The following PIWIL4 variants were observed in gnomAD, a reference collection of about 807,000 sequenced individuals.
PIWIL4 encodes piwi like RNA-mediated gene silencing 4.
PIWIL4 carries 50 observed loss-of-function variants against 100.9 expected under a neutral mutation model. The observed-to-expected ratio is 0.50, with a 90% CI of 0.39 to 0.63. The LOEUF (loss-of-function observed/expected upper bound fraction) is 0.63. Ranked by LOEUF, PIWIL4 falls within the 20% of genes least tolerant of loss-of-function variation. PIWIL4 has a pLI of 0.00. For synonymous variants in PIWIL4, 342 were observed against 367.5 expected, an observed-to-expected ratio of 0.93 and a Z score of 0.79; for missense variants, 887 against 1,043.3, an observed-to-expected ratio of 0.85 and a Z score of 2.06.
Position 94,567,569 on chromosome 11 carries a change from T to G in PIWIL4, c.51T>G (p.Ser17Arg). 5 of 1,607,696 alleles carry G rather than the reference T, an allele frequency of 3.1e-6. No homozygotes were observed. The highest frequency in any genetic ancestry group is 4.2e-6 in the Non-Finnish European group (5 of 1,177,274). The change falls in exon 1 of 20, where the codon AGT becomes AGG. Residue 17 changes from serine to arginine, a missense_variant. Coordinates refer to ENST00000299001, the MANE Select transcript of PIWIL4 (RefSeq NM_152431.3). Reference protein sequence around the residue: ...VKARGIARSPSATEVGRIQAS... With the variant: ...VKARGIARSPRATEVGRIQAS... ...CCAGAGGCATCGCCCGCAGCCCCAG[T>G]GCCACAGAAGTGGGGCGCATCCAAG... is the stretch of plus-strand genomic sequence containing the variant.
chr11:94,584,784 G>T (rs1013523732), intron 5 of PIWIL4, among the ~76,000 whole-genome samples: 28 of 152,136 alleles, frequency 1.8e-4, no homozygotes, highest in Non-Finnish European at 3.7e-4. Context: ...TAAGATCCTC[G>T]GCTGGGCCGG....
At chr11:94,596,200 G>T (rs553854507) in intron 10 of PIWIL4, among the ~76,000 whole-genome samples, 1 of 149,470 alleles carries the variant, frequency 6.7e-6, no homozygotes, top group South Asian at 2.1e-4. Flanking sequence ...TTATAATTAT[G>T]TATGTAGCTT....
chr11:94,587,789 T>C (rs1948423093), intron 7 of PIWIL4, among the ~76,000 whole-genome samples: 1 of 151,988 alleles, frequency 6.6e-6, no homozygotes, highest in South Asian at 2.1e-4. Flanking sequence ...GATTCAGGAG[T>C]CTTTTAAGTT....
At chr11:94,577,690 T>C (rs1948257181) in intron 4 of PIWIL4, among the ~76,000 whole-genome samples, 198 bp downstream of exon 4, 1 of 152,170 alleles carries the variant, frequency 6.6e-6, no homozygotes, top group South Asian at 2.1e-4. Flanking sequence ...TATAAGCAAT[T>C]ATATCAGCCA....
intron 6 of PIWIL4, 87 bp downstream of exon 6, chr11:94,585,612 C>A: frequency 1.1e-6 from 1 of 935,186 alleles, no homozygotes; most frequent in East Asian, 2.7e-5. Flanking sequence ...CATTATGCCT[C>A]CTGTGAGAGA....
At chr11:94,581,278 A>G (rs1312707926) in intron 4 of PIWIL4, among the ~76,000 whole-genome samples, 1 of 152,116 alleles carries the variant, frequency 6.6e-6, no homozygotes, top group Non-Finnish European at 1.5e-5. Flanking sequence ...ATATTGCCCA[A>G]GGTTGTCAGA....
In PIWIL4 at chr11:94,601,884, A is replaced by G. The variant is rs376209717; in HGVS notation, c.1470A>G (p.Leu490=). 1 of 1,614,134 alleles carries G rather than the reference A, an allele frequency of 6.2e-7. No homozygotes were observed. Among genetic ancestry groups the G allele is most frequent in the Non-Finnish European group, 8.5e-7 (1 of 1,179,996 alleles). The change falls in exon 12 of 20, where the codon TTA becomes TTG. Residue 490 remains leucine, a synonymous_variant. Coordinates refer to ENST00000299001, the MANE Select transcript of PIWIL4 (RefSeq NM_152431.3). ...NAQSLNTWLI[L]CSDRTEYVAE... ...AGTCTTTGAATACCTGGTTGATTTT[A>G]TGTAGCGACAGAACTGAATATGTTG...
chr11:94,617,368 G>C (rs139264626), intron 16 of PIWIL4, among the ~76,000 whole-genome samples: 3 of 151,554 alleles, frequency 2.0e-5, no homozygotes, highest in South Asian at 2.1e-4. Context: ...TTTTTTAGCA[G>C]TTATTAAAGG....
intron 5 of PIWIL4, among the ~76,000 whole-genome samples, chr11:94,584,846 C>T (rs909073700): frequency 1.3e-5 from 2 of 152,150 alleles, no homozygotes; most frequent in African/African-American, 4.8e-5. Flanking sequence ...GGGCAGATCA[C>T]CTGAGGTCAG....
intron 2 of PIWIL4, among the ~76,000 whole-genome samples, chr11:94,572,620 A>G (rs549075114): frequency 3.3e-5 from 5 of 152,278 alleles, no homozygotes; most frequent in Admixed American, 1.3e-4. Context: ...GTTATTTCTG[A>G]GGACTCTGTT....
chr11:94,577,726 G>A (rs1011836616), intron 4 of PIWIL4, among the ~76,000 whole-genome samples: 4 of 152,190 alleles, frequency 2.6e-5, no homozygotes, highest in East Asian at 3.9e-4. Context: ...GAGAACTAAG[G>A]GTCCTGGGAA....
chr11:94,616,427 T>C (rs918345796), intron 15 of PIWIL4, 66 bp from the exon 16 acceptor site: 63 of 1,282,512 alleles, frequency 4.9e-5, no homozygotes, highest in Non-Finnish European at 2.1e-5. Context: ...TAATTTAATA[T>C]TAATGAATAT....
chr11:94,579,364 A>G lies in PIWIL4; in HGVS notation c.513+1872A>G, dbSNP rs187346654. The stretch of plus-strand genomic sequence containing the variant: ...TATTCAGTCCTAAAATAAAGATGGT[A>G]TGGATGTTTTTAACATATGTTTTGT... On this transcript the variant is annotated intron_variant, in intron 4 of 19. Transcript: ENST00000299001. 8.5e-5 allele frequency among the ~76,000 whole-genome samples: 13 copies of G among 152,336 alleles called. 1 individual carries two copies. In the East Asian group the frequency reaches 2.3e-3, roughly 27 times the overall value.
intron 2 of PIWIL4, among the ~76,000 whole-genome samples, chr11:94,572,290 T>C (rs543524373): frequency 6.6e-6 from 1 of 152,358 alleles, no homozygotes; most frequent in South Asian, 2.1e-4. Context: ...CTCTTTAGTT[T>C]CATTAGATCC....
In PIWIL4 at chr11:94,589,164, G is replaced by A. The variant is rs1023260814; in HGVS notation, c.958G>A (p.Val320Met). The stretch of plus-strand genomic sequence containing the variant: ...CTCCATTGATGACATTGACTGGTCA[G>A]TGAAGCCCACACACACCTTTCAGAA... ...TYSIDDIDWS[V>M]KPTHTFQKRD... Residue 320 changes from valine (V) to methionine (M), a missense_variant, in exon 8 of 20, where the codon GTG becomes ATG. Transcript: ENST00000299001. The A allele has an allele frequency of 6.2e-7, 1 of 1,613,164 alleles. No homozygotes were observed. Among genetic ancestry groups the A allele is most frequent in the East Asian group, 2.2e-5 (1 of 44,882 alleles).
chr11:94,596,105 CAT>C (rs1390682965), intron 10 of PIWIL4, among the ~76,000 whole-genome samples: 2 of 151,974 alleles, frequency 1.3e-5, no homozygotes, highest in African/African-American at 2.4e-5. Flanking sequence ...GGTTAAATAA[CAT>C]ATATTTAAAA....
intron 7 of PIWIL4, 129 bp downstream of exon 7, chr11:94,587,376 C>A (rs1948415609): frequency 9.7e-7 from 1 of 1,028,122 alleles, no homozygotes; most frequent in Non-Finnish European, 1.4e-6. Context: ...GTTTAGAAGA[C>A]CTGGTTGTTT....
rs138314594 is a variant in PIWIL4, at chr11:94,617,998, C to T, written c.2059C>T (p.Arg687Trp). The T allele has an allele frequency of 2.5e-5, 40 of 1,613,750 alleles. No homozygotes were observed. Among genetic ancestry groups the T allele is most frequent in the South Asian group, 1.1e-4 (10 of 91,034 alleles). The change falls in exon 17 of 20, where the codon CGG becomes TGG. Residue 687 changes from arginine (R) to tryptophan (W), a missense_variant. By Grantham distance (101) the Arg-to-Trp change is moderately radical. This residue lies in a region of PIWIL4 where 741 missense variants were observed against 930.0 expected (regional missense o/e 0.80). Transcript: ENST00000299001. ...WYKYNHDLPA[R>W]IIVYRAGVGD... ...CAAGTACAATCATGATTTGCCAGCA[C>T]GGATAATTGTGTACCGTGCTGGTGT...
chr11:94,570,823 T>A (rs2135232531), intron 2 of PIWIL4, among the ~76,000 whole-genome samples: 1 of 152,022 alleles, frequency 6.6e-6, no homozygotes, highest in East Asian at 1.9e-4. Flanking sequence ...ACCCGGGAAG[T>A]GGCGGTTGCA....
Sources: gnomAD v4.1 joint callset for allele counts (sites outside exome capture counted in the v4.1 genomes callset) on GRCh38, gnomAD v4.1.1 for gene constraint, gnomAD v4.1.1 regional missense constraint, MANE v1.5 for transcripts, NCBI Gene and HGNC (gene_info 2026-07-23, HGNC 2026-07-21) for gene names.